UCKL1: variants seen among roughly 807,000 people sequenced by gnomAD.
UCKL1 encodes uridine-cytidine kinase 1 like 1, also known as uridine-cytidine kinase-like 1.
UCKL1 carries 65 observed loss-of-function variants against 59.2 expected under a neutral mutation model. The ratio of observed to expected loss-of-function variants is 1.10; its 90% CI spans 0.90 to 1.35. The LOEUF is 1.35. Ranked by LOEUF, UCKL1 falls within the 40% of genes most tolerant of loss-of-function variation. UCKL1 has a pLI of 0.00. For synonymous variants in UCKL1, 410 were observed against 323.1 expected (o/e 1.27, Z -2.88); for missense variants, 703 against 784.3 (o/e 0.90, Z 1.24).
chr20:63,945,467 C>T (rs1446648431), intron 5 of UCKL1, among the ~76,000 whole-genome samples, 184 bp downstream of exon 5: 1 of 152,226 alleles, frequency 6.6e-6, no homozygotes, highest in Admixed American at 6.5e-5. Flanking sequence ...CACGCTCTGC[C>T]TTTTGGGGCC....
At chr20:63,948,676 GGTGTGTGTGAGA>G (rs2057042334) in intron 1 of UCKL1, among the ~76,000 whole-genome samples, 1 of 133,528 alleles carries the variant, frequency 7.5e-6, no homozygotes, top group East Asian at 2.2e-4. Context: ...AGAGGGAGGG[GGTGTGTGTGAGA>G]CCGAGGGGGC....
At position 63,941,148 on chromosome 20, in the gene UCKL1, CT is replaced by C; in HGVS notation, c.983del (p.Lys328ArgfsTer30). ...GCATGCCCCGTACCTGCGGCGTGCT[CT>C]TCAGGACGCTCAGCGTCCGGGGCAG... ...HPLPRTLSVL[K>X]STPQVRGMHT... On this transcript the variant is annotated frameshift_variant, in exon 9 of 15. Transcript: ENST00000354216. LOFTEE classifies it high-confidence loss of function. 1 of 1,590,940 alleles carries C rather than the reference CT, an allele frequency of 6.3e-7. No homozygotes were observed.
intron 1 of UCKL1, chr20:63,951,053 G>T: frequency 8.2e-7 from 1 of 1,217,548 alleles, no homozygotes; most frequent in African/African-American, 1.6e-5. Flanking sequence ...TGAGACCCTT[G>T]GCTGGCAGAA....
In UCKL1 at chr20:63,944,712, A is replaced by G; in HGVS notation, c.677T>C (p.Val226Ala). Residue 226 changes from valine to alanine, a missense_variant, in exon 6 of 15, where the codon GTG becomes GCG. By Grantham distance (64) the Val-to-Ala change is moderately conservative. Transcript: ENST00000354216. ...LLELLDMKIF[V>A]DTDSDIRLVR... ...CAGGCGGATGTCGGAGTCTGTGTCC[A>G]CAAAGATCTTCATGTCCAGGAGCTG... The G allele has an allele frequency of 6.2e-7, 1 of 1,612,774 alleles. No individual in the cohort carries two copies. The highest frequency in any genetic ancestry group is 1.1e-5 in the South Asian group (1 of 91,084).
chr20:63,946,689 C>T, intron 1 of UCKL1, 46 bp from the exon 2 acceptor site: 1 of 1,576,464 alleles, frequency 6.3e-7, no homozygotes, highest in Non-Finnish European at 8.6e-7. Flanking sequence ...CTGCCCACCT[C>T]CCAGGTACCC....
At chr20:63,940,739 G>GCA (rs1179356745) in intron 11 of UCKL1, 23 bp from the exon 12 acceptor site, 8 of 1,606,518 alleles carry the variant, frequency 5.0e-6, no homozygotes, top group Non-Finnish European at 6.8e-6. Context: ...GAGGCTAAGC[G>GCA]CCCACATCCC....
chr20:63,945,253 C>G (rs916835895), intron 5 of UCKL1, among the ~76,000 whole-genome samples: 3 of 152,136 alleles, frequency 2.0e-5, no homozygotes, highest in Non-Finnish European at 4.4e-5. Flanking sequence ...AGGGGCAGGA[C>G]CTGGGCCCTG....
At chr20:63,945,744 G>A (rs1356692728) in intron 4 of UCKL1, 22 bp from the exon 5 acceptor site, 2 of 1,612,810 alleles carry the variant, frequency 1.2e-6, no homozygotes, top group Non-Finnish European at 1.7e-6. Context: ...CCCAGGAGTT[G>A]CGGAGCCTGG....
intron 8 of UCKL1, 44 bp from the exon 9 acceptor site, chr20:63,941,252 C>T: frequency 1.4e-6 from 2 of 1,457,850 alleles, no homozygotes; most frequent in South Asian, 1.4e-5. Context: ...GGGGTCTTTT[C>T]CCAGAGCCCT....
At chr20:63,952,485 G>T (rs117267354) in intron 1 of UCKL1, among the ~76,000 whole-genome samples, 2 of 151,986 alleles carry the variant, frequency 1.3e-5, no homozygotes, top group African/African-American at 4.8e-5. Context: ...GGCTGCTCTC[G>T]GCCACAGCAG....
chr20:63,946,883 G>T (rs1196260336), intron 1 of UCKL1, among the ~76,000 whole-genome samples: 3 of 151,980 alleles, frequency 2.0e-5, no homozygotes, highest in Non-Finnish European at 4.4e-5. Flanking sequence ...TTTGAGACCA[G>T]CCTGGCCAAC....
chr20:63,953,198 G>A (rs765232855), intron 1 of UCKL1, among the ~76,000 whole-genome samples: 10 of 152,210 alleles, frequency 6.6e-5, no homozygotes, highest in Admixed American at 2.0e-4. Context: ...TGACCAACAT[G>A]GAGAAACCCT....
At chr20:63,945,392 C>G (rs1385213834) in intron 5 of UCKL1, among the ~76,000 whole-genome samples, 1 of 152,248 alleles carries the variant, frequency 6.6e-6, no homozygotes, top group Non-Finnish European at 1.5e-5. Flanking sequence ...GACGAGAACG[C>G]CAAGGACACT....
chr20:63,956,394 G>A lies in UCKL1; in HGVS notation c.-22C>T. The A allele has an allele frequency of 7.2e-7, 1 of 1,393,672 alleles. No individual in the cohort carries two copies. Among genetic ancestry groups the A allele is most frequent in the Admixed American group, 3.6e-5 (1 of 27,852 alleles). 86.3% of individuals were successfully genotyped at this position (1,393,672 alleles called of 1,614,324 possible). A position where few individuals can be genotyped will look rare whatever the true frequency, so the allele number is the denominator to read the frequency against. On this transcript the variant is annotated 5_prime_UTR_variant, in exon 1 of 15. Coordinates refer to ENST00000354216, the MANE Select transcript of UCKL1 (RefSeq NM_017859.4). ...CCATGGCGCTCGGAGGCCTCTTTGC[G>A]GGCCTGGCCGGGCGGCGCGCATGGG...
rs61743506 is a variant in UCKL1 at position 63,945,826 on chromosome 20, C to T, written c.561G>A (p.Thr187=). 843 of 1,613,604 alleles carry T rather than the reference C, an allele frequency of 5.2e-4. 2 individuals are homozygous for T. In the African/African-American group the frequency reaches 7.9e-3, roughly 15 times the overall value. ...CTACCCAGTCCTTCTTCCGGCTGTG[C>T]GTGGTGAAGTCATAAATGGGCACCT... ...SVKVPIYDFT[T]HSRKKDWKTL... The change falls in exon 4 of 15, where the codon ACG becomes ACA. Residue 187 remains threonine (T), a synonymous_variant. Coordinates refer to ENST00000354216, the MANE Select transcript of UCKL1 (RefSeq NM_017859.4).
At position 63,941,108 on chromosome 20, in the gene UCKL1, A is replaced by G. The variant is rs1460141629; in HGVS notation, c.1022+2T>C. On this transcript the variant is annotated splice_donor_variant, in intron 9 of 14. Coordinates refer to ENST00000354216, the MANE Select transcript of UCKL1 (RefSeq NM_017859.4). LOFTEE classifies it high-confidence loss of function. Reference sequence around the variant, plus strand: ...CCGCCCCGTCCCCAGGTGGGCCCTCACCTGATGATGGTGTGCATGCCCCGT... The same window carrying G: ...CCGCCCCGTCCCCAGGTGGGCCCTCGCCTGATGATGGTGTGCATGCCCCGT... 1.7e-5 allele frequency: 27 copies of G among 1,598,954 alleles called. No homozygotes were observed. Among genetic ancestry groups the G allele is most frequent in the Non-Finnish European group, 2.2e-5 (26 of 1,174,872 alleles).
rs866660531 is a variant in UCKL1, at chr20:63,940,836, C to T, written c.1137G>A (p.Pro379=). Residue 379 remains proline, a synonymous_variant, in exon 11 of 15, where the codon CCG becomes CCA. Coordinates refer to ENST00000354216, the MANE Select transcript of UCKL1 (RefSeq NM_017859.4). The part of the protein sequence containing the change: ...LPFQDCVVQT[P]QGQDYAGKCY... ...ACTTGCCCGCATAGTCCTGCCCCTG[C>T]GGGGTCTGTACGACGCAGTCCTGTG... 1.3e-6 allele frequency: 2 copies of T among 1,560,782 alleles called. No homozygotes were observed. The highest frequency in any genetic ancestry group is 1.7e-6 in the Non-Finnish European group (2 of 1,153,722).
chr20:63,948,557 A>AGGCGTGTGTGAGAGTGGG (rs2056874712), intron 1 of UCKL1: 1 of 14,392 alleles, frequency 6.9e-5, no homozygotes, highest in Non-Finnish European at 1.3e-4. Flanking sequence ...GTGAGGAGGG[A>AGGCGTGTGTGAGAGTGGG]GGCGTGTGTG....
chr20:63,947,766 G>C (rs2056639741), intron 1 of UCKL1, among the ~76,000 whole-genome samples: 1 of 152,272 alleles, frequency 6.6e-6, no homozygotes, highest in Non-Finnish European at 1.5e-5. Context: ...AGCCTGCCCA[G>C]GGTAAGGGGG....
Sources: gnomAD v4.1 joint callset for allele counts (sites outside exome capture counted in the v4.1 genomes callset) on GRCh38, gnomAD v4.1.1 for gene constraint, MANE v1.5 for transcripts, NCBI Gene and HGNC (gene_info 2026-07-23, HGNC 2026-07-21) for gene names.